ALDH3B2: variants seen among roughly 807,000 people sequenced by gnomAD.
The protein encoded by ALDH3B2 is aldehyde dehydrogenase 3 family member B2.
A neutral mutation model predicts 36.7 loss-of-function variants in ALDH3B2; 45 were observed. The observed-to-expected ratio is 1.23, with a 90% CI of 0.97 to 1.57. ALDH3B2 has a LOEUF of 1.57. Ranked by LOEUF, ALDH3B2 falls within the 40% of genes most tolerant of loss-of-function variation. ALDH3B2 has a pLI of 0.00. For missense variants in ALDH3B2, 464 were observed against 513.3 expected (o/e 0.90, Z 0.93); for synonymous variants, 217 against 226.5 (o/e 0.96, Z 0.38).
Position 67,666,649 on chromosome 11 carries a change from G to C in ALDH3B2, c.76C>G (p.Leu26Val), listed in dbSNP as rs773768354. The C allele has an allele frequency of 9.9e-6, 16 of 1,614,062 alleles. No individual in the cohort carries two copies. The South Asian group carries it at 1.8e-4, about 18-fold the overall frequency. Reference sequence around the variant, plus strand: ...TTCCAGGGTGCGATGATGAGGACCAGGCCAAAGGGTTCCTTCCAGATGAAG... The same window carrying C: ...TTCCAGGGTGCGATGATGAGGACCACGCCAAAGGGTTCCTTCCAGATGAAG... The change falls in exon 4 of 10, where the codon CTG (leucine) becomes GTG (valine). Residue 26 changes from leucine (L) to valine (V), a missense_variant. Physicochemically the swap from Leu to Val is conservative, Grantham distance 32. Coordinates refer to ENST00000349015, the Ensembl canonical transcript of ALDH3B2.
In ALDH3B2 at chr11:67,666,082, C is replaced by G. The variant is rs200673087; in HGVS notation, c.319+40G>C. 5 of 1,446,924 alleles carry G rather than the reference C, an allele frequency of 3.5e-6. No homozygotes were observed. In the African/African-American group the frequency reaches 5.6e-5, roughly 16 times the overall value. 89.6% of individuals were successfully genotyped at this position (1,446,924 alleles called of 1,614,324 possible). ...CCCTCCCACCCTCTCTCCTGATGAT[C>G]CCCTCCACCTACTCTGGGACCCTGG... is the stretch of plus-strand genomic sequence containing the variant. On this transcript the variant is annotated intron_variant, in intron 6 of 9. Coordinates refer to ENST00000349015, the Ensembl canonical transcript of ALDH3B2.
chr11:67,671,609 C>T (rs1207745008), intron 1 of ALDH3B2, among the ~76,000 whole-genome samples: 9 of 147,968 alleles, frequency 6.1e-5, no homozygotes, highest in African/African-American at 1.7e-4. Context: ...TGCAATGCTG[C>T]GATCTCAGCT....
rs1855877460 is a variant in ALDH3B2 at position 67,665,492 on chromosome 11, CA to C, written c.498del (p.Asp167ThrfsTer83). On this transcript the variant is annotated frameshift_variant, in exon 7 of 10. Coordinates refer to ENST00000349015, the Ensembl canonical transcript of ALDH3B2. LOFTEE classifies it high-confidence loss of function. ...ATCTCGGGGCTGCACAGGACGTAGT[CA>C]GGGGCCACGCAGGTCTGGCCGGCAT... 6.2e-7 allele frequency: 1 copy of C among 1,614,050 alleles called. No homozygotes were observed. The highest frequency in any genetic ancestry group is 2.2e-5 in the East Asian group (1 of 44,886).
chr11:67,662,744 A>T, exon 10 of ALDH3B2: 1 of 188,420 alleles, frequency 5.3e-6, no homozygotes, highest in Non-Finnish European at 1.1e-5. Context: ...GTGGGATGTG[A>T]GAGGATCCCT....
chr11:67,665,993 ACT>A (rs1855896557), intron 6 of ALDH3B2, 127 bp downstream of exon 6: 1 of 1,247,118 alleles, frequency 8.0e-7, no homozygotes, highest in Non-Finnish European at 1.1e-6. Context: ...AGGCAGACGG[ACT>A]CTGTGCCAGC....
intron 9 of ALDH3B2, 47 bp downstream of exon 9, chr11:67,663,615 G>A: frequency 6.4e-7 from 1 of 1,562,970 alleles, no homozygotes; most frequent in Non-Finnish European, 8.8e-7. Context: ...TGGGTCTGGG[G>A]TACCAAAGCC....
At chr11:67,664,592 G>T in intron 7 of ALDH3B2, 30 bp from the exon 8 acceptor site, 1 of 1,610,210 alleles carries the variant, frequency 6.2e-7, no homozygotes. Context: ...CTCAGCCCTG[G>T]GGCCACAGTC....
At chr11:67,672,042 C>CATATATATATATATATATAT (rs57997475) in intron 1 of ALDH3B2, among the ~76,000 whole-genome samples, 2 of 49,496 alleles carry the variant, frequency 4.0e-5, no homozygotes, top group African/African-American at 2.0e-4. Context: ...CGATGTACTT[C>CATATATATATATATATATAT]ATATATATAT....
chr11:67,665,209 TCGTGG>T, intron 7 of ALDH3B2, 71 bp downstream of exon 7: 1 of 1,525,752 alleles, frequency 6.6e-7, no homozygotes, highest in Non-Finnish European at 8.8e-7. Context: ...GAGTCCAGAC[TCGTGG>T]CCCAGCCGTG....
At chr11:67,669,370 GTGTGTATGGGTGCTGTGTCCATGTGTGTC>G (rs1175846079) in intron 1 of ALDH3B2, among the ~76,000 whole-genome samples, 43 of 151,402 alleles carry the variant, frequency 2.8e-4, no homozygotes, top group African/African-American at 1.0e-3. Flanking sequence ...GTGTGTCTGT[GTGTGTATGGGTGCTGTGTCCATGTGTGTC>G]TGTGTATGGG....
At chr11:67,665,149 G>C (rs1437222006) in intron 7 of ALDH3B2, 136 bp downstream of exon 7, 9 of 1,448,982 alleles carry the variant, frequency 6.2e-6, no homozygotes, top group Non-Finnish European at 1.9e-6. Flanking sequence ...CGTGGCACCA[G>C]AGCCATGGCT....
chr11:67,676,091 C>T (rs1040631721), upstream of ALDH3B2, among the ~76,000 whole-genome samples: 5 of 151,934 alleles, frequency 3.3e-5, no homozygotes, highest in Non-Finnish European at 2.9e-5. Flanking sequence ...ACTAAAAATA[C>T]AAAAAATTAG....
upstream of ALDH3B2, among the ~76,000 whole-genome samples, chr11:67,679,504 G>A (rs745450746): frequency 1.3e-5 from 2 of 151,784 alleles, no homozygotes; most frequent in Admixed American, 6.6e-5. Flanking sequence ...ACAAAGCCAG[G>A]CACAGTGGCT....
exon 6 of ALDH3B2, chr11:67,666,187 A>C (rs1287553823): frequency 6.2e-7 from 1 of 1,614,086 alleles, no homozygotes; most frequent in South Asian, 1.1e-5. Context: ...TCCGCCCAGC[A>C]CCACGGCAAA....
At chr11:67,676,999 T>G (rs923461687), upstream of ALDH3B2, among the ~76,000 whole-genome samples, 1 of 151,956 alleles carries the variant, frequency 6.6e-6, no homozygotes, top group Non-Finnish European at 1.5e-5. Context: ...ACCAGAAGGA[T>G]TCACAGCAGA....
chr11:67,670,167 C>T (rs1340593314), intron 1 of ALDH3B2, among the ~76,000 whole-genome samples: 6 of 57,900 alleles, frequency 1.0e-4, no homozygotes, highest in African/African-American at 4.1e-4. Flanking sequence ...TCTGTGTCCA[C>T]GTGTGTCTGT....
At chr11:67,669,730 GTGTGTGTATGGGTGTC>G (rs1856035570) in intron 1 of ALDH3B2, among the ~76,000 whole-genome samples, 2 of 145,496 alleles carry the variant, frequency 1.4e-5, no homozygotes, top group African/African-American at 2.6e-5. Context: ...ATGGGTGTCT[GTGTGTGTATGGGTGTC>G]TGTGTCCACG....
chr11:67,665,940 C>G (rs1247563262), intron 6 of ALDH3B2, among the ~76,000 whole-genome samples, 182 bp downstream of exon 6: 1 of 152,200 alleles, frequency 6.6e-6, no homozygotes, highest in African/African-American at 2.4e-5. Context: ...CCTGGCCACT[C>G]CTGGATCCAG....
rs533170248 is a variant in ALDH3B2, at chr11:67,665,878, G to A, written c.320-207C>T. Among the ~76,000 whole-genome samples the A allele has an allele frequency of 1.1e-4, 17 of 152,174 alleles. No individual in the cohort carries two copies. In the East Asian group the frequency reaches 1.2e-3, roughly 10 times the overall value. Reference sequence around the variant, plus strand: ...CTTTCTTCATAGAAAGTCCTGGCCCGCCTCACCCTTCTCCTGGCCGGTCTG... The same window carrying A: ...CTTTCTTCATAGAAAGTCCTGGCCCACCTCACCCTTCTCCTGGCCGGTCTG... On this transcript the variant is annotated intron_variant, in intron 6 of 9. Coordinates refer to ENST00000349015, the Ensembl canonical transcript of ALDH3B2.
Sources: allele counts gnomAD v4.1 joint callset (sites outside exome capture counted in the v4.1 genomes callset), GRCh38; gene constraint gnomAD v4.1.1; transcripts MANE v1.5; gene names NCBI Gene and HGNC (gene_info 2026-07-23, HGNC 2026-07-21).